The following GLA variants were observed in gnomAD, a reference collection of about 807,000 sequenced individuals.
The protein encoded by GLA is alpha-galactosidase A.
Under a neutral mutation model 28.2 loss-of-function variants are expected in GLA, and 4 were observed. That is an observed-to-expected ratio of 0.14 (90% CI 0.07 to 0.32). GLA has a LOEUF of 0.32. Among genes scored for constraint, GLA ranks in the 10% least tolerant of loss-of-function variants. The pLI is 1.00. For synonymous variants in GLA, 94 were observed against 113.0 expected (o/e 0.83, Z 1.07); for missense variants, 203 against 323.7 (o/e 0.63, Z 2.86).
At chrX:101,405,352 A>G (rs1307849293) in intron 1 of GLA, among the ~76,000 whole-genome samples, 2 of 111,875 alleles carry the variant, frequency 1.8e-5, no homozygotes, top group African/African-American at 3.2e-5. Flanking sequence ...AGGTCCTTCC[A>G]GCCATCTGAT....
intron 2 of GLA, among the ~76,000 whole-genome samples, chrX:101,403,591 C>G (rs1928393458): frequency 9.0e-6 from 1 of 110,561 alleles, no homozygotes; most frequent in Non-Finnish European, 1.9e-5. Flanking sequence ...CCATGCCCAG[C>G]TAATTTTTTG....
chrX:101,405,236 C>CAAAAAAAA (rs11448515), intron 1 of GLA, among the ~76,000 whole-genome samples: 1 of 35,542 alleles, frequency 2.8e-5, no homozygotes, highest in African/African-American at 8.6e-5. Context: ...AACTCCAGCT[C>CAAAAAAAA]AAAAAAAAAA....
At position 101,401,681 on chromosome X, in the gene GLA, C is replaced by A; in HGVS notation, c.498G>T (p.Leu166=). 8.3e-7 allele frequency: 1 copy of A among 1,210,497 alleles called. No homozygotes were observed. Among genetic ancestry groups the A allele is most frequent in the Non-Finnish European group, 1.1e-6 (1 of 894,536 alleles). The change falls in exon 3 of 7, where the codon CTG becomes CTT. Residue 166 remains leucine, a synonymous_variant. Transcript: ENST00000218516. ...AQTFADWGVD[L]LKFDGCYCDS... ...CACAGTAACAACCATCAAATTTTAG[C>A]AGATCTACTCCCCAGTCAGCAAAGG...
Position 101,400,513 on chromosome X carries a change from C to T in GLA, c.639+153G>A, listed in dbSNP as rs1388517807. On this transcript the variant is annotated intron_variant, in intron 4 of 6. Coordinates refer to ENST00000218516, the MANE Select transcript of GLA (RefSeq NM_000169.3). Reference sequence around the variant, plus strand: ...GTGATGGTAGCTTAGGCTATAATTACAGCAGTGGGGATGGTGAGAAGTGGT... The same window carrying T: ...GTGATGGTAGCTTAGGCTATAATTATAGCAGTGGGGATGGTGAGAAGTGGT... Among the ~76,000 whole-genome samples, 3 of 112,160 alleles carry T rather than the reference C, an allele frequency of 2.7e-5. No homozygotes were observed. The Admixed American group carries it at 2.8e-4, about 11-fold the overall frequency.
At chrX:101,406,044 A>AG (rs1302012940) in intron 1 of GLA, among the ~76,000 whole-genome samples, 3 of 99,480 alleles carry the variant, frequency 3.0e-5, no homozygotes, top group African/African-American at 1.1e-4. Context: ...CTGTACTAAA[A>AG]AAAAAAAAAA....
At chrX:101,400,126 T>C (rs782570667) in intron 4 of GLA, among the ~76,000 whole-genome samples, 22 of 111,310 alleles carry the variant, frequency 2.0e-4, no homozygotes, top group South Asian at 7.6e-4. Context: ...CCAAGTGCAA[T>C]TGGAAGCGAG....
At chrX:101,402,704 C>T (rs1319613930) in intron 2 of GLA, among the ~76,000 whole-genome samples, 1 of 110,488 alleles carries the variant, frequency 9.1e-6, no homozygotes, top group Non-Finnish European at 1.9e-5. Context: ...TGGAGGGTTG[C>T]AGTGAGCTGA....
chrX:101,407,428 G>C (rs1555987007), intron 1 of GLA, among the ~76,000 whole-genome samples: 1 of 110,251 alleles, frequency 9.1e-6, no homozygotes, highest in Non-Finnish European at 1.9e-5. Flanking sequence ...GAGAAAGAGA[G>C]AGGAAAGAAG....
At position 101,403,866 on chromosome X, in the gene GLA, C is replaced by G; in HGVS notation, c.314G>C (p.Arg105Thr). Residue 105 changes from arginine to threonine, a missense_variant, in exon 2 of 7, where the codon AGA becomes ACA. Transcript: ENST00000218516. ...WMAPQRDSEG[R>T]LQADPQRFPH... Reference sequence around the variant, plus strand: ...AAAGCGCTGAGGGTCTGCCTGAAGTCTGCCTTCTGAATCTCTTTGGGGAGC... The same window carrying G: ...AAAGCGCTGAGGGTCTGCCTGAAGTGTGCCTTCTGAATCTCTTTGGGGAGC... 1 of 1,211,744 alleles carries G rather than the reference C, an allele frequency of 8.3e-7. No individual in the cohort carries two copies.
intron 1 of GLA, among the ~76,000 whole-genome samples, 165 bp downstream of exon 1, chrX:101,407,545 C>A (rs782740377): frequency 9.0e-6 from 1 of 111,656 alleles, no homozygotes; most frequent in South Asian, 3.7e-4. Flanking sequence ...AAGTTTAGGG[C>A]TAGTCCTGAT....
intron 1 of GLA, among the ~76,000 whole-genome samples, 180 bp from the exon 2 acceptor site, chrX:101,404,165 C>T (rs567771967): frequency 1.3e-4 from 15 of 111,911 alleles, no homozygotes; most frequent in Middle Eastern, 4.6e-3. Flanking sequence ...CTCTCTTATC[C>T]CGTTAATATT....
At chrX:101,406,616 C>T (rs1440194586) in intron 1 of GLA, among the ~76,000 whole-genome samples, 5 of 111,594 alleles carry the variant, frequency 4.5e-5, no homozygotes, top group Admixed American at 9.5e-5. Context: ...ACTTACAAGG[C>T]CAATTTCTTC....
chrX:101,401,842 G>A, intron 2 of GLA, 33 bp from the exon 3 acceptor site: 1 of 1,150,238 alleles, frequency 8.7e-7, no homozygotes, highest in Non-Finnish European at 1.2e-6. Context: ...AGTCACCATT[G>A]TAGAAGCACA....
intron 4 of GLA, 69 bp from the exon 5 acceptor site, chrX:101,399,015 A>G (rs869312369): frequency 8.4e-6 from 8 of 953,171 alleles, no homozygotes; most frequent in Middle Eastern, 3.8e-4. Context: ...AACAGTTTAA[A>G]GGAGGCACTT....
Position 101,398,867 on chromosome X carries a change from T to C in GLA, c.719A>G (p.Lys240Arg). 3 of 1,207,786 alleles carry C rather than the reference T, an allele frequency of 2.5e-6. No homozygotes were observed. The highest frequency in any genetic ancestry group is 3.4e-6 in the Non-Finnish European group (3 of 891,714). ...ADIDDSWKSIKSILDWTSFNQ... is the reference protein window; with the variant it reads ...ADIDDSWKSIRSILDWTSFNQ... ...AAAAGATGTCCAGTCCAAGATACTC[T>C]TTATACTTTTCCAGGAATCATCAAT... The change falls in exon 5 of 7, where the codon AAG becomes AGG. Residue 240 changes from lysine (K) to arginine (R), a missense_variant. Coordinates refer to ENST00000218516, the MANE Select transcript of GLA (RefSeq NM_000169.3).
chrX:101,402,056 G>C (rs916701411), intron 2 of GLA, among the ~76,000 whole-genome samples: 1 of 112,655 alleles, frequency 8.9e-6, no homozygotes. Context: ...GAGAAAGCTA[G>C]CAGCCATGCT....
chrX:101,405,236 C>CAA (rs11448515), intron 1 of GLA, among the ~76,000 whole-genome samples: 1,130 of 35,433 alleles, frequency 0.032, 30 homozygotes, highest in African/African-American at 0.069. Flanking sequence ...AACTCCAGCT[C>CAA]AAAAAAAAAA....
At chrX:101,403,768 T>G in intron 2 of GLA, 43 bp downstream of exon 2, 1 of 1,154,014 alleles carries the variant, frequency 8.7e-7, no homozygotes, top group Non-Finnish European at 1.2e-6. Context: ...ACAGAAGTGC[T>G]TACAGTCCTC....
At chrX:101,404,715 A>G (rs1928442150) in intron 1 of GLA, among the ~76,000 whole-genome samples, 1 of 108,644 alleles carries the variant, frequency 9.2e-6, no homozygotes, top group Non-Finnish European at 1.9e-5. Context: ...GATTACAGGC[A>G]TGTGCCATCG....
Sources: allele counts gnomAD v4.1 joint callset (sites outside exome capture counted in the v4.1 genomes callset), GRCh38; gene constraint gnomAD v4.1.1; transcripts MANE v1.5; gene names NCBI Gene and HGNC (gene_info 2026-07-23, HGNC 2026-07-21).